The following LRP1B variants were observed in gnomAD, a reference collection of about 807,000 sequenced individuals.
The protein encoded by LRP1B is low-density lipoprotein receptor-related protein 1B.
LRP1B carries 217 observed loss-of-function variants against 556.6 expected under a neutral mutation model. The ratio of observed to expected loss-of-function variants is 0.39; its 90% CI spans 0.35 to 0.44. The LOEUF (loss-of-function observed/expected upper bound fraction) is 0.44. Among genes scored for constraint, LRP1B ranks in the 20% least tolerant of loss-of-function variants. The probability of loss-of-function intolerance (pLI) is 1.00; values close to 1 mark genes in which losing one functional copy is unlikely to be tolerated. For missense variants in LRP1B, 5,053 were observed against 5,620.8 expected, an observed-to-expected ratio of 0.90 and a Z score of 3.23; for synonymous variants, 2,047 against 1,865.8, an observed-to-expected ratio of 1.10 and a Z score of -2.50.
At chr2:141,052,561 A>C (rs1031913083) in intron 10 of LRP1B, among the ~76,000 whole-genome samples, 1 of 152,108 alleles carries the variant, frequency 6.6e-6, no homozygotes, top group Non-Finnish European at 1.5e-5. Flanking sequence ...TCAAAAGTAA[A>C]GTAGGATAAC....
intron 2 of LRP1B, among the ~76,000 whole-genome samples, chr2:141,808,842 G>A (rs558297212): frequency 2.0e-4 from 30 of 152,098 alleles, no homozygotes; most frequent in African/African-American, 6.3e-4. Flanking sequence ...GAAGGGAATC[G>A]TAAAACATGT....
At chr2:141,337,492 A>ACTCT (rs1559014459) in intron 3 of LRP1B, among the ~76,000 whole-genome samples, 1 of 151,410 alleles carries the variant, frequency 6.6e-6, no homozygotes, top group Non-Finnish European at 1.5e-5. Context: ...ATTTTGTCTC[A>ACTCT]GTCTGTAGCT....
At chr2:140,907,726 G>A (rs1223817383) in intron 22 of LRP1B, 151 bp downstream of exon 22, 3 of 726,308 alleles carry the variant, frequency 4.1e-6, no homozygotes, top group Admixed American at 2.3e-5. Context: ...TAGCCTTAGA[G>A]TGTCTGAGAA....
intron 35 of LRP1B, among the ~76,000 whole-genome samples, chr2:140,762,258 C>A (rs1342177014): frequency 6.6e-6 from 1 of 152,048 alleles, no homozygotes; most frequent in African/African-American, 2.4e-5. Flanking sequence ...GGGGCAAAAA[C>A]CCAAAAGAAT....
At chr2:141,878,075 G>A (rs1399857779) in intron 1 of LRP1B, among the ~76,000 whole-genome samples, 1 of 147,840 alleles carries the variant, frequency 6.8e-6, no homozygotes, top group Non-Finnish European at 1.5e-5. Context: ...TGGAACACTG[G>A]TGAAGTTAAA....
chr2:141,972,181 T>C (rs1701760968), intron 1 of LRP1B, among the ~76,000 whole-genome samples: 2 of 151,644 alleles, frequency 1.3e-5, no homozygotes, highest in Non-Finnish European at 3.0e-5. Flanking sequence ...AGTTTTATTT[T>C]AAATGCATGC....
At chr2:140,739,460 T>C (rs1688063912) in intron 35 of LRP1B, among the ~76,000 whole-genome samples, 1 of 152,030 alleles carries the variant, frequency 6.6e-6, no homozygotes, top group South Asian at 2.1e-4. Context: ...GGTTCTGTAG[T>C]GTAAGAAATT....
At chr2:140,659,373 T>A (rs1322934545) in intron 41 of LRP1B, among the ~76,000 whole-genome samples, 1 of 151,948 alleles carries the variant, frequency 6.6e-6, no homozygotes. Flanking sequence ...TCAGCATGGT[T>A]TTATTTGATG....
chr2:141,171,087 T>C (rs184342521), intron 7 of LRP1B, among the ~76,000 whole-genome samples: 3 of 152,246 alleles, frequency 2.0e-5, no homozygotes, highest in Admixed American at 2.0e-4. Flanking sequence ...AATTCCCATA[T>C]ACCTCCTGTC....
At chr2:141,693,107 A>T (rs1691606787) in intron 2 of LRP1B, among the ~76,000 whole-genome samples, 1 of 152,066 alleles carries the variant, frequency 6.6e-6, no homozygotes, top group Admixed American at 6.6e-5. Flanking sequence ...CAGACTAAGC[A>T]TGCATCTTGC....
intron 41 of LRP1B, among the ~76,000 whole-genome samples, chr2:140,651,525 TTA>T (rs1684685101): frequency 1.7e-5 from 1 of 60,000 alleles, no homozygotes; most frequent in African/African-American, 5.1e-5. Context: ...CATACAAAAA[TTA>T]AAAAAAAAAA....
At chr2:140,773,705 C>A (rs912924795) in intron 33 of LRP1B, among the ~76,000 whole-genome samples, 1 of 151,030 alleles carries the variant, frequency 6.6e-6, no homozygotes, top group Non-Finnish European at 1.5e-5. Flanking sequence ...AAACACTAAC[C>A]ATATACATTT....
chr2:141,288,129 C>T, intron 3 of LRP1B, among the ~76,000 whole-genome samples: 1 of 152,128 alleles, frequency 6.6e-6, no homozygotes. Context: ...AGATATATTA[C>T]ATCTCTATAT....
intron 7 of LRP1B, among the ~76,000 whole-genome samples, chr2:141,122,452 C>T (rs1441565660): frequency 6.7e-6 from 1 of 150,134 alleles, no homozygotes; most frequent in African/African-American, 2.5e-5. Context: ...TATGAACAGA[C>T]ACTTCTCAAA....
At chr2:142,109,745 G>T (rs978008638) in intron 1 of LRP1B, among the ~76,000 whole-genome samples, 2 of 152,046 alleles carry the variant, frequency 1.3e-5, no homozygotes, top group Non-Finnish European at 2.9e-5. Context: ...TAATTGCTTT[G>T]CATGAAACCA....
At chr2:141,867,333 C>A (rs1698444785) in intron 1 of LRP1B, among the ~76,000 whole-genome samples, 1 of 151,994 alleles carries the variant, frequency 6.6e-6, no homozygotes, top group Admixed American at 6.6e-5. Context: ...AAAAAGCTAT[C>A]TTGACTACAC....
intron 3 of LRP1B, among the ~76,000 whole-genome samples, chr2:141,440,047 C>A (rs1680903637): frequency 6.6e-6 from 1 of 152,166 alleles, no homozygotes; most frequent in Admixed American, 6.5e-5. Flanking sequence ...ATAACAGCAA[C>A]AACAACGTGA....
At chr2:142,031,919 G>A (rs1015585662) in intron 1 of LRP1B, among the ~76,000 whole-genome samples, 6 of 151,792 alleles carry the variant, frequency 4.0e-5, no homozygotes, top group Non-Finnish European at 7.4e-5. Flanking sequence ...ACAGACACAT[G>A]CATAGGGAGA....
At chr2:141,862,012 T>C (rs1013400672) in intron 1 of LRP1B, among the ~76,000 whole-genome samples, 1 of 152,180 alleles carries the variant, frequency 6.6e-6, no homozygotes, top group African/African-American at 2.4e-5. Flanking sequence ...TACTTAGTCA[T>C]AAATGCACAA....
Sources: allele counts gnomAD v4.1 joint callset (sites outside exome capture counted in the v4.1 genomes callset), GRCh38; gene constraint gnomAD v4.1.1; transcripts MANE v1.5; gene names NCBI Gene and HGNC (gene_info 2026-07-23, HGNC 2026-07-21).